TRAPPC12: variants seen among roughly 807,000 people sequenced by gnomAD.
TRAPPC12 encodes TPR repeat protein 15.
In TRAPPC12, 61 loss-of-function variants were observed where a neutral mutation model predicts 69.2. The observed-to-expected ratio is 0.88, with a 90% CI of 0.72 to 1.09. The LOEUF is 1.09. TRAPPC12 is among the 50% of genes least tolerant of loss of function. The pLI is 0.00. For missense variants in TRAPPC12, 1,101 were observed against 1,016.4 expected (o/e 1.08, Z -1.13); for synonymous variants, 469 against 438.9 (o/e 1.07, Z -0.86).
intron 5 of TRAPPC12, among the ~76,000 whole-genome samples, chr2:3,426,787 C>T (rs904471209): frequency 9.9e-5 from 15 of 152,250 alleles, no homozygotes; most frequent in African/African-American, 3.1e-4. Context: ...GAGCAAGTCT[C>T]GTCTACGTCC....
At chr2:3,467,972 C>G (rs527945446) in intron 9 of TRAPPC12, 2 of 152,300 alleles carry the variant, frequency 1.3e-5, no homozygotes, top group African/African-American at 4.8e-5. Flanking sequence ...ACACTCCACC[C>G]TGCCGTCTCT....
Position 3,422,780 on chromosome 2 carries a change from G to A in TRAPPC12, c.1278+786G>A, listed in dbSNP as rs114677128. 8.5e-3 allele frequency among the ~76,000 whole-genome samples: 1,294 copies of A among 152,288 alleles called. 19 individuals carry two copies. The highest frequency in any genetic ancestry group is 0.029 in the African/African-American group (1,197 of 41,538). Reference sequence around the variant, plus strand: ...CCATCCATTGGTTTGCCAAATCTTAGGCTGTTTTCCTATCATTTCTCTCCA... The same window carrying A: ...CCATCCATTGGTTTGCCAAATCTTAAGCTGTTTTCCTATCATTTCTCTCCA... On this transcript the variant is annotated intron_variant, in intron 4 of 11. Transcript: ENST00000324266.
intron 5 of TRAPPC12, among the ~76,000 whole-genome samples, chr2:3,442,867 A>T (rs939947866): frequency 1.3e-5 from 2 of 152,240 alleles, no homozygotes; most frequent in Non-Finnish European, 2.9e-5. Flanking sequence ...AGATCCGAAT[A>T]TTCATCGCTT....
Position 3,387,789 on chromosome 2 carries a change from A to C in TRAPPC12, c.166A>C (p.Ser56Arg). Reference protein sequence around the residue: ...EENETASEGSSPLADKLNEHM... With the variant: ...EENETASEGSRPLADKLNEHM... ...GAACGAGACCGCATCGGAAGGCTCG[A>C]GTCCTCTCGCGGACAAGCTGAACGA... The change falls in exon 2 of 12, where the codon AGT (serine) becomes CGT (arginine). Residue 56 changes from serine to arginine, a missense_variant. Ser to Arg is a moderately radical substitution (Grantham distance 110, BLOSUM62 -1). Coordinates refer to ENST00000324266, the MANE Select transcript of TRAPPC12 (RefSeq NM_016030.6). 1.2e-6 allele frequency: 2 copies of C among 1,613,482 alleles called. No individual in the cohort carries two copies. The highest frequency in any genetic ancestry group is 1.7e-6 in the Non-Finnish European group (2 of 1,179,658).
In TRAPPC12 at chr2:3,453,416, A is replaced by G. The variant is rs142059740; in HGVS notation, c.1531-4205A>G. Among the ~76,000 whole-genome samples the G allele has an allele frequency of 6.1e-4, 93 of 152,192 alleles. 2 individuals are homozygous for G. The highest frequency in any genetic ancestry group is 2.1e-3 in the African/African-American group (87 of 41,510). ...GGCCCCTGTGGTCACTCTGCCCTCCACAGTCCTTCTGCCCCTGTGGCTGGT... is the reference window on the plus strand; with the variant it reads ...GGCCCCTGTGGTCACTCTGCCCTCCGCAGTCCTTCTGCCCCTGTGGCTGGT... On this transcript the variant is annotated intron_variant, in intron 6 of 11. Transcript: ENST00000324266.
intron 9 of TRAPPC12, among the ~76,000 whole-genome samples, chr2:3,473,239 G>A (rs887654994): frequency 2.6e-5 from 4 of 152,178 alleles, no homozygotes; most frequent in East Asian, 1.9e-4. Flanking sequence ...CTGTGCTCAC[G>A]CCGGGACGGG....
chr2:3,417,172 G>A (rs1558365312), intron 3 of TRAPPC12, among the ~76,000 whole-genome samples: 1 of 152,110 alleles, frequency 6.6e-6, no homozygotes, highest in African/African-American at 2.4e-5. Context: ...CTGTCATTTT[G>A]TAAAACCCAG....
At chr2:3,428,669 C>T (rs1307667072) in intron 5 of TRAPPC12, among the ~76,000 whole-genome samples, 6 of 152,202 alleles carry the variant, frequency 3.9e-5, no homozygotes, top group Non-Finnish European at 5.9e-5. Flanking sequence ...TCAGTCAGTT[C>T]CTTTCAGCCA....
chr2:3,408,793 A>G lies in TRAPPC12; in HGVS notation c.1164+6900A>G, dbSNP rs549219538. Among the ~76,000 whole-genome samples the G allele has an allele frequency of 5.3e-5, 8 of 152,336 alleles. No individual in the cohort carries two copies. The South Asian group carries it at 6.2e-4, about 12-fold the overall frequency. On this transcript the variant is annotated intron_variant, in intron 3 of 11. Transcript: ENST00000324266. ...TGTATTACTTATGTTACTTAGCCAA[A>G]AATTCTATTAAAAATCTTAATATTC...
chr2:3,451,820 G>A (rs1251061197), intron 6 of TRAPPC12, among the ~76,000 whole-genome samples: 1 of 152,160 alleles, frequency 6.6e-6, no homozygotes, highest in African/African-American at 2.4e-5. Context: ...GAGCCACCAT[G>A]TCCAGCCCAG....
intron 1 of TRAPPC12, among the ~76,000 whole-genome samples, chr2:3,383,279 CT>C (rs1660308620): frequency 6.6e-6 from 1 of 152,024 alleles, no homozygotes; most frequent in South Asian, 2.1e-4. Flanking sequence ...TCCATTTTCC[CT>C]TTATGGTTTG....
Position 3,388,564 on chromosome 2 carries a change from A to G in TRAPPC12, c.941A>G (p.Glu314Gly). ...DRRNDAWLPGEATRGVLRAVA... is the reference protein window; with the variant it reads ...DRRNDAWLPGGATRGVLRAVA... ...AGGAACGACGCCTGGCTTCCCGGCG[A>G]GGCTACGCGTGGAGTCCTGCGGGCC... The change falls in exon 2 of 12, where the codon GAG (glutamate) becomes GGG (glycine). Residue 314 changes from glutamate to glycine, a missense_variant. Transcript: ENST00000324266. 6.2e-7 allele frequency: 1 copy of G among 1,612,756 alleles called. No homozygotes were observed. Among genetic ancestry groups the G allele is most frequent in the Non-Finnish European group, 8.5e-7 (1 of 1,179,680 alleles).
At position 3,388,195 on chromosome 2, in the gene TRAPPC12, C is replaced by G. The variant is rs765582685; in HGVS notation, c.572C>G (p.Ala191Gly). The G allele has an allele frequency of 6.2e-7, 1 of 1,609,308 alleles. No individual in the cohort carries two copies. The highest frequency in any genetic ancestry group is 8.5e-7 in the Non-Finnish European group (1 of 1,177,968). ...CCCAGCTTCGGTGGCGCCAGCGAGG[C>G]CTCGGCCAGGACACCGCCCCAGGTC... is the stretch of plus-strand genomic sequence containing the variant. Reference protein sequence around the residue: ...KSPSFGGASEASARTPPQVVQ... With the variant: ...KSPSFGGASEGSARTPPQVVQ... The change falls in exon 2 of 12, where the codon GCC (alanine) becomes GGC (glycine). Residue 191 changes from alanine to glycine, a missense_variant. Ala to Gly is a moderately conservative substitution (Grantham distance 60, BLOSUM62 0). Coordinates refer to ENST00000324266, the MANE Select transcript of TRAPPC12 (RefSeq NM_016030.6).
intron 6 of TRAPPC12, chr2:3,456,104 G>A (rs753545371): frequency 1.3e-5 from 2 of 152,170 alleles, no homozygotes; most frequent in Non-Finnish European, 2.9e-5. Context: ...GTTTAAACTG[G>A]CTAGATTCTT....
intron 9 of TRAPPC12, 98 bp downstream of exon 9, chr2:3,465,793 G>A: frequency 1.2e-6 from 1 of 848,734 alleles, no homozygotes; most frequent in Non-Finnish European, 2.0e-6. Flanking sequence ...ATATAAGAAA[G>A]ACTGCAGAAA....
At chr2:3,422,559 G>T (rs1662871094) in intron 4 of TRAPPC12, among the ~76,000 whole-genome samples, 1 of 152,172 alleles carries the variant, frequency 6.6e-6, no homozygotes, top group Non-Finnish European at 1.5e-5. Context: ...TGTTCTTCTA[G>T]CTTACATGGG....
chr2:3,412,413 T>C (rs1662113307), intron 3 of TRAPPC12, among the ~76,000 whole-genome samples: 1 of 152,038 alleles, frequency 6.6e-6, no homozygotes, highest in South Asian at 2.1e-4. Context: ...AATACAAAAA[T>C]TAGCCGGGTG....
At chr2:3,401,705 T>G in intron 2 of TRAPPC12, 72 bp from the exon 3 acceptor site, 2 of 979,862 alleles carry the variant, frequency 2.0e-6, no homozygotes, top group Non-Finnish European at 2.9e-6. Context: ...TTGTGTTTAG[T>G]TATGGGTTCT....
chr2:3,427,009 A>G (rs1014117625), intron 5 of TRAPPC12, among the ~76,000 whole-genome samples: 1 of 152,226 alleles, frequency 6.6e-6, no homozygotes, highest in African/African-American at 2.4e-5. Flanking sequence ...CAGCCCAAAA[A>G]GAATGGGGAG....
Sources: allele counts gnomAD v4.1 joint callset (sites outside exome capture counted in the v4.1 genomes callset), GRCh38; gene constraint gnomAD v4.1.1; transcripts MANE v1.5; gene names NCBI Gene and HGNC (gene_info 2026-07-23, HGNC 2026-07-21).